The following TJP2 variants were observed in gnomAD, a reference collection of about 807,000 sequenced individuals.
TJP2 encodes the protein Friedreich ataxia region gene X104 (tight junction protein ZO-2).
TJP2 carries 91 observed loss-of-function variants against 133.1 expected under a neutral mutation model. That is an observed-to-expected ratio of 0.68 (90% CI 0.58 to 0.81). The LOEUF (loss-of-function observed/expected upper bound fraction) is 0.81. Among genes scored for constraint, TJP2 ranks in the 40% least tolerant of loss-of-function variants. The probability of loss-of-function intolerance (pLI) is 0.00; values close to 1 mark genes in which losing one functional copy is unlikely to be tolerated. For missense variants in TJP2, 1,541 were observed against 1,565.6 expected (o/e 0.98, Z 0.26); for synonymous variants, 592 against 583.4 (o/e 1.01, Z -0.21).
intron 1 of TJP2, among the ~76,000 whole-genome samples, chr9:69,175,509 T>C (rs544798468): frequency 2.8e-4 from 42 of 152,314 alleles, no homozygotes; most frequent in Admixed American, 2.3e-3. Flanking sequence ...AGTGAGAAAT[T>C]CGTAGTGGTA....
intron 1 of TJP2, among the ~76,000 whole-genome samples, chr9:69,132,207 A>G (rs926365579): frequency 2.0e-5 from 3 of 152,116 alleles, no homozygotes; most frequent in Non-Finnish European, 2.9e-5. Flanking sequence ...CAAATTTCAG[A>G]CTCACACAAG....
At chr9:69,137,227 T>C (rs1822774445) in intron 1 of TJP2, among the ~76,000 whole-genome samples, 1 of 57,466 alleles carries the variant, frequency 1.7e-5, no homozygotes, top group African/African-American at 8.0e-5. Flanking sequence ...TTTTCTTTCC[T>C]TCTTTCTTTC....
chr9:69,223,745 T>C (rs2133297548), intron 5 of TJP2, among the ~76,000 whole-genome samples: 1 of 152,368 alleles, frequency 6.6e-6, no homozygotes, highest in South Asian at 2.1e-4. Context: ...TCCATGAAAG[T>C]AGCTTTGCCC....
chr9:69,224,491 T>A (rs1384115677), intron 5 of TJP2, among the ~76,000 whole-genome samples: 4 of 152,034 alleles, frequency 2.6e-5, no homozygotes, highest in Non-Finnish European at 4.4e-5. Context: ...TAGCCTGGCC[T>A]ACATGGTGAA....
At chr9:69,196,946 T>TATAC (rs1554778025) in intron 1 of TJP2, among the ~76,000 whole-genome samples, 61 of 134,234 alleles carry the variant, frequency 4.5e-4, no homozygotes, top group African/African-American at 1.6e-3. Context: ...TGTGTGTGTG[T>TATAC]ACACACACAC....
chr9:69,149,344 G>A (rs1587910302), intron 1 of TJP2, among the ~76,000 whole-genome samples: 1 of 152,166 alleles, frequency 6.6e-6, no homozygotes, highest in South Asian at 2.1e-4. Flanking sequence ...AGTACCTCTC[G>A]ATTTGTAAGC....
At chr9:69,145,645 C>A in intron 1 of TJP2, 1 of 1,023,422 alleles carries the variant, frequency 9.8e-7, no homozygotes, top group South Asian at 5.0e-5. Context: ...AAGATTAGTT[C>A]AGTTGCTTCA....
intron 1 of TJP2, among the ~76,000 whole-genome samples, chr9:69,146,362 T>C (rs1823211120): frequency 6.6e-6 from 1 of 152,202 alleles, no homozygotes; most frequent in African/African-American, 2.4e-5. Flanking sequence ...TTCTCTGAAG[T>C]CTTCTTTTGT....
rs551108396 is a variant in TJP2, at chr9:69,188,917, A to C, written c.60+14485A>C. Among the ~76,000 whole-genome samples, 26 of 152,368 alleles carry C rather than the reference A, an allele frequency of 1.7e-4. No homozygotes were observed. The East Asian group carries it at 3.3e-3, about 19-fold the overall frequency. On this transcript the variant is annotated intron_variant, in intron 1 of 22. Transcript: ENST00000377245. Reference sequence around the variant, plus strand: ...TTATGGTTACAAACTCCTGGGTTATAGAATTGGAAGGAAAAACTTAGATAT... The same window carrying C: ...TTATGGTTACAAACTCCTGGGTTATCGAATTGGAAGGAAAAACTTAGATAT...
chr9:69,180,246 A>G (rs1434323502), intron 1 of TJP2, among the ~76,000 whole-genome samples: 2 of 152,218 alleles, frequency 1.3e-5, no homozygotes, highest in Admixed American at 1.3e-4. Flanking sequence ...AATGAATAGA[A>G]TGTGACTAAA....
chr9:69,177,516 G>C (rs1825182473), intron 1 of TJP2, among the ~76,000 whole-genome samples: 1 of 152,190 alleles, frequency 6.6e-6, no homozygotes, highest in South Asian at 2.1e-4. Flanking sequence ...AAGTGAATTT[G>C]GGAGGGTCTA....
rs1822231922 is a variant in TJP2, at chr9:69,123,276, G to A, written c.-131+1551G>A. 5.0e-5 allele frequency among the ~76,000 whole-genome samples: 4 copies of A among 79,520 alleles called. 2 individuals are homozygous for A. In the South Asian group the frequency reaches 1.4e-3, roughly 27 times the overall value. The allele number at this position is 79,520 out of a possible 152,430, so 52.2% of individuals were successfully genotyped here. A position where few individuals can be genotyped will look rare whatever the true frequency, so the allele number is the denominator to read the frequency against. On this transcript the variant is annotated intron_variant, in intron 1 of 5. Coordinates refer to the TJP2 transcript ENST00000423935. ...AGGATATGTGATTAACATACTGGCC[G>A]GTGATGTTTTTGATTCTGTGGTAAA...
chr9:69,208,547 T>C (rs971112172), intron 1 of TJP2, among the ~76,000 whole-genome samples: 2 of 152,186 alleles, frequency 1.3e-5, no homozygotes, highest in Admixed American at 1.3e-4. Flanking sequence ...ATTTAAAAAA[T>C]AAAATTTTGC....
intron 9 of TJP2, among the ~76,000 whole-genome samples, chr9:69,228,609 T>C (rs1829528121): frequency 6.6e-6 from 1 of 152,228 alleles, no homozygotes. Context: ...TGTACATGTA[T>C]ATGTGTATGT....
intron 2 of TJP2, among the ~76,000 whole-genome samples, chr9:69,156,470 G>A (rs1375864894): frequency 1.3e-5 from 2 of 151,456 alleles, no homozygotes; most frequent in Non-Finnish European, 2.9e-5. Flanking sequence ...TCAGAGTACA[G>A]CTTGCTTTTA....
At chr9:69,154,198 T>C (rs1255616043) in intron 2 of TJP2, among the ~76,000 whole-genome samples, 3 of 152,224 alleles carry the variant, frequency 2.0e-5, no homozygotes, top group Non-Finnish European at 4.4e-5. Context: ...CTTAACTCCT[T>C]AACTCAGACG....
upstream of TJP2, among the ~76,000 whole-genome samples, chr9:69,170,979 T>A (rs1043303448): frequency 1.3e-5 from 2 of 152,220 alleles, no homozygotes; most frequent in Non-Finnish European, 2.9e-5. Flanking sequence ...TACTCATCAG[T>A]GCCTAGCACA....
chr9:69,121,545 T>G, exon 1 of TJP2: 3 of 180,964 alleles, frequency 1.7e-5, no homozygotes, highest in Non-Finnish European at 3.2e-5. Flanking sequence ...CGCCCTCCCA[T>G]TCCCGGGGAG....
chr9:69,174,413 A>C lies in TJP2; in HGVS notation c.41A>C (p.Glu14Ala). The C allele has an allele frequency of 1.3e-6, 2 of 1,551,558 alleles. No individual in the cohort carries two copies. The highest frequency in any genetic ancestry group is 1.7e-6 in the Non-Finnish European group (2 of 1,147,078). ...GACCGCGGGTTTCCACCCCGGCGGGAGCTGTCAGGTTGGCTCCGCGTAAGT... is the reference window on the plus strand; with the variant it reads ...GACCGCGGGTTTCCACCCCGGCGGGCGCTGTCAGGTTGGCTCCGCGTAAGT... ...RGDRGFPPRR[E>A]LSGWLRAPGM... The change falls in exon 1 of 23, where the codon GAG becomes GCG. Residue 14 changes from glutamate (E) to alanine (A), a missense_variant. Transcript: ENST00000377245.
Sources: allele counts gnomAD v4.1 joint callset (sites outside exome capture counted in the v4.1 genomes callset), GRCh38; gene constraint gnomAD v4.1.1; transcripts MANE v1.5; gene names NCBI Gene and HGNC (gene_info 2026-07-23, HGNC 2026-07-21).